NBDY: variants seen among roughly 807,000 people sequenced by gnomAD.
The protein encoded by NBDY is P-body dissociating protein.
intron 1 of NBDY, among the ~76,000 whole-genome samples, chrX:56,730,943 T>C (rs2069454602): frequency 9.0e-6 from 1 of 111,177 alleles, no homozygotes; most frequent in African/African-American, 3.3e-5. Flanking sequence ...AGTAAACCTT[T>C]ATGAAGCCCT....
chrX:56,742,089 G>C (rs1247981050), intron 2 of NBDY, among the ~76,000 whole-genome samples: 1 of 111,386 alleles, frequency 9.0e-6, no homozygotes, highest in African/African-American at 3.3e-5. Context: ...TGAAGAGACT[G>C]TCTTTTCCAT....
intron 2 of NBDY, among the ~76,000 whole-genome samples, chrX:56,739,273 T>A: frequency 1.3e-5 from 1 of 77,145 alleles, no homozygotes; most frequent in African/African-American, 5.9e-5. Flanking sequence ...TGTATGTATA[T>A]ATATATATTT....
intron 1 of NBDY, among the ~76,000 whole-genome samples, chrX:56,730,513 CAAAAAAAAAAAAAA>C (rs1157131797): frequency 4.5e-4 from 5 of 11,207 alleles, no homozygotes; most frequent in Non-Finnish European, 6.9e-4. Context: ...AACTACGTCT[CAAAAAAAAAAAAAA>C]AAAAAAAAAA....
At chrX:56,744,681 T>G (rs775611075) in intron 2 of NBDY, among the ~76,000 whole-genome samples, 35 of 111,690 alleles carry the variant, frequency 3.1e-4, no homozygotes, top group African/African-American at 1.1e-3. Flanking sequence ...AAAGATATCT[T>G]TCATGTATTG....
chrX:56,768,080 C>G (rs1388454657), intron 2 of NBDY, among the ~76,000 whole-genome samples: 2 of 6,731 alleles, frequency 3.0e-4, no homozygotes, highest in Non-Finnish European at 5.6e-4. Context: ...CACTCCGAAA[C>G]TTTTTTATTT....
intron 2 of NBDY, among the ~76,000 whole-genome samples, chrX:56,739,289 T>C (rs1019575744): frequency 1.2e-5 from 1 of 85,619 alleles, no homozygotes; most frequent in Non-Finnish European, 2.2e-5. Flanking sequence ...TATTTTTATA[T>C]ATATATATAT....
intron 2 of NBDY, among the ~76,000 whole-genome samples, chrX:56,800,941 C>G (rs181745221): frequency 1.2e-3 from 136 of 110,999 alleles, no homozygotes; most frequent in Non-Finnish European, 2.4e-3. Flanking sequence ...ATTTCCTCCC[C>G]GTTTTACATC....
In NBDY at chrX:56,735,770, A is replaced by T. The variant is rs181733252; in HGVS notation, c.*166+3571A>T. Among the ~76,000 whole-genome samples, 301 of 111,750 alleles carry T rather than the reference A, an allele frequency of 2.7e-3. 3 individuals carry two copies. The highest frequency in any genetic ancestry group is 9.5e-3 in the African/African-American group (293 of 30,778). On this transcript the variant is annotated intron_variant, in intron 2 of 2. Coordinates refer to ENST00000374922, the MANE Select transcript of NBDY (RefSeq NM_001348129.2). ...TTTTCTGAATAGACAAATGCTTTTA[A>T]AGGGGGTTCTAGACAGTCCGTCTTT...
At chrX:56,780,754 C>T (rs1335766619) in intron 2 of NBDY, among the ~76,000 whole-genome samples, 3 of 85,981 alleles carry the variant, frequency 3.5e-5, no homozygotes, top group Admixed American at 1.2e-4. Context: ...GGAGTCACCC[C>T]CTTTCTGTCA....
intron 2 of NBDY, among the ~76,000 whole-genome samples, chrX:56,816,355 C>A (rs567384833): frequency 9.0e-6 from 1 of 111,217 alleles, no homozygotes; most frequent in African/African-American, 3.3e-5. Context: ...TAAAATTGTA[C>A]GTTTCTAAAG....
intron 2 of NBDY, among the ~76,000 whole-genome samples, chrX:56,793,552 G>A (rs1027181078): frequency 6.3e-5 from 7 of 110,344 alleles, no homozygotes; most frequent in Non-Finnish European, 1.3e-4. Flanking sequence ...AGCTTGGAGG[G>A]GCAGTTGAGG....
chrX:56,747,512 ATGGTAGGTAGTTTTCC>A (rs1418575423), intron 2 of NBDY, among the ~76,000 whole-genome samples: 2 of 111,727 alleles, frequency 1.8e-5, no homozygotes, highest in African/African-American at 6.5e-5. Context: ...GGTGAGATGT[ATGGTAGGTAGTTTTCC>A]TGGAGTGGAG....
chrX:56,736,351 G>A (rs919045244), intron 2 of NBDY, among the ~76,000 whole-genome samples: 1 of 111,623 alleles, frequency 9.0e-6, no homozygotes, highest in Admixed American at 9.4e-5. Context: ...TGCAGCCTCC[G>A]CCCCCCGGGG....
At chrX:56,795,849 G>A (rs2069789253) in intron 2 of NBDY, among the ~76,000 whole-genome samples, 1 of 112,679 alleles carries the variant, frequency 8.9e-6, no homozygotes, top group Admixed American at 9.3e-5. Flanking sequence ...AATGCAGGAA[G>A]ATCTGGACTG....
chrX:56,740,649 T>C (rs1320584802), intron 2 of NBDY, among the ~76,000 whole-genome samples: 3 of 111,825 alleles, frequency 2.7e-5, no homozygotes, highest in Non-Finnish European at 5.7e-5. Context: ...AAGTCTAGAA[T>C]AGATACATAT....
At chrX:56,801,649 A>G (rs906366647) in intron 2 of NBDY, among the ~76,000 whole-genome samples, 2 of 110,965 alleles carry the variant, frequency 1.8e-5, no homozygotes, top group African/African-American at 6.6e-5. Flanking sequence ...ATTCTTTCCC[A>G]TTCTCTTTGT....
At chrX:56,782,187 C>T (rs368904419) in intron 2 of NBDY, among the ~76,000 whole-genome samples, 47 of 111,183 alleles carry the variant, frequency 4.2e-4, no homozygotes, top group East Asian at 3.1e-3. Flanking sequence ...GCTACAGTGG[C>T]ATGGACCTCC....
chrX:56,737,233 A>C, intron 2 of NBDY: 1 of 1,001,785 alleles, frequency 1.0e-6, no homozygotes, highest in Non-Finnish European at 1.4e-6. Flanking sequence ...ACAGACTTCA[A>C]CTACATGATT....
Position 56,749,754 on chromosome X carries a change from C to T in NBDY, c.*166+17555C>T, listed in dbSNP as rs144359274. On this transcript the variant is annotated intron_variant, in intron 2 of 2. Coordinates refer to ENST00000374922, the MANE Select transcript of NBDY (RefSeq NM_001348129.2). ...GCAGCCTCGACCTCCCGGGTTCAAG[C>T]GATCCTCCTGCCTCAACCCCCCAAG... is the stretch of plus-strand genomic sequence containing the variant. Among the ~76,000 whole-genome samples, 261 of 109,142 alleles carry T rather than the reference C, an allele frequency of 2.4e-3. 1 individual carries two copies. The highest frequency in any genetic ancestry group is 3.7e-3 in the Non-Finnish European group (194 of 52,550). The allele number at this position is 109,142 out of a possible 115,157, so 94.8% of individuals were successfully genotyped here.
Sources: gnomAD v4.1 joint callset for allele counts (sites outside exome capture counted in the v4.1 genomes callset) on GRCh38, gnomAD v4.1.1 for gene constraint, MANE v1.5 for transcripts, NCBI Gene and HGNC (gene_info 2026-07-23, HGNC 2026-07-21) for gene names.